CKAP5: variants seen among roughly 807,000 people sequenced by gnomAD.
CKAP5 encodes cytoskeleton-associated protein 5.
CKAP5 carries 27 observed loss-of-function variants against 232.8 expected under a neutral mutation model. The ratio of observed to expected loss-of-function variants is 0.12; its 90% CI spans 0.09 to 0.16. CKAP5 has a LOEUF of 0.16. Ranked by LOEUF, CKAP5 falls within the 10% of genes least tolerant of loss-of-function variation. The pLI is 1.00. For missense variants in CKAP5, 1,838 were observed against 2,424.7 expected, an observed-to-expected ratio of 0.76 and a Z score of 5.08; for synonymous variants, 785 against 841.1, an observed-to-expected ratio of 0.93 and a Z score of 1.16.
chr11:46,809,129 G>A (rs868839832), intron 7 of CKAP5, among the ~76,000 whole-genome samples: 1 of 152,184 alleles, frequency 6.6e-6, no homozygotes, highest in Non-Finnish European at 1.5e-5. Flanking sequence ...GGAATCCGGA[G>A]CTCTTTAGTG....
intron 38 of CKAP5, among the ~76,000 whole-genome samples, chr11:46,751,833 C>A (rs2065066688): frequency 6.6e-6 from 1 of 151,994 alleles, no homozygotes; most frequent in Admixed American, 6.6e-5. Context: ...TTCCTTCGTT[C>A]CTGAGAGTAA....
At chr11:46,798,271 G>C in intron 9 of CKAP5, 99 bp from the exon 10 acceptor site, 3 of 889,294 alleles carry the variant, frequency 3.4e-6, no homozygotes, top group Non-Finnish European at 5.3e-6. Context: ...AGTATGCTAA[G>C]TTAAAAAAAA....
intron 27 of CKAP5, 80 bp downstream of exon 27, chr11:46,767,492 TATG>T: frequency 2.4e-6 from 2 of 838,058 alleles, no homozygotes; most frequent in East Asian, 2.6e-5. Flanking sequence ...TTATATATAA[TATG>T]ATCCTTCCTA....
At chr11:46,830,389 C>T (rs928720463) in intron 1 of CKAP5, among the ~76,000 whole-genome samples, 7 of 140,590 alleles carry the variant, frequency 5.0e-5, no homozygotes, top group East Asian at 2.2e-4. Flanking sequence ...TGCAGTGAGC[C>T]GAGATGGCAC....
chr11:46,784,529 C>T lies in CKAP5; in HGVS notation c.2113G>A (p.Ala705Thr). 6.2e-7 allele frequency: 1 copy of T among 1,614,110 alleles called. No homozygotes were observed. The highest frequency in any genetic ancestry group is 8.5e-7 in the Non-Finnish European group (1 of 1,179,964). ...CGNNAKEAMT[A>T]IAEACMLPWT... ...GGTAACATACAGGCTTCGGCTATTG[C>T]TGTCATAGCTTCTTTTGCATTGTTC... Residue 705 changes from alanine to threonine, a missense_variant, in exon 17 of 44, where the codon GCA becomes ACA. Ala to Thr is a moderately conservative substitution (Grantham distance 58). Around this residue, in one of 6 missense-constraint regions of CKAP5, gnomAD observed 767 missense variants for 954.6 expected, o/e 0.80. Transcript: ENST00000529230.
chr11:46,819,912 A>T (rs1172700539), intron 2 of CKAP5, among the ~76,000 whole-genome samples: 3 of 152,120 alleles, frequency 2.0e-5, no homozygotes, highest in Non-Finnish European at 4.4e-5. Flanking sequence ...GCAACATCTC[A>T]TTCTATAAAG....
chr11:46,841,748 C>A (rs1423102570), intron 1 of CKAP5, among the ~76,000 whole-genome samples: 1 of 152,042 alleles, frequency 6.6e-6, no homozygotes. Flanking sequence ...CGCCTGTAAT[C>A]CCAGCACTTT....
At position 46,809,150 on chromosome 11, in the gene CKAP5, G is replaced by A. The variant is rs552892773; in HGVS notation, c.864+250C>T. The stretch of plus-strand genomic sequence containing the variant: ...CGGAGCTCTTTAGTGTTAAAAACCA[G>A]AGAGAAAATTAGAAAAAGGAAGTCA... On this transcript the variant is annotated intron_variant, in intron 7 of 43. Coordinates refer to ENST00000529230, the MANE Select transcript of CKAP5 (RefSeq NM_001008938.4). 3.3e-5 allele frequency among the ~76,000 whole-genome samples: 5 copies of A among 152,252 alleles called. No homozygotes were observed. In the East Asian group the frequency reaches 9.6e-4, roughly 29 times the overall value.
intron 1 of CKAP5, among the ~76,000 whole-genome samples, chr11:46,825,264 A>T (rs1242629675): frequency 6.6e-6 from 1 of 152,202 alleles, no homozygotes; most frequent in African/African-American, 2.4e-5. Context: ...ACTATATCCC[A>T]TCATAAAAGA....
chr11:46,845,301 T>C (rs1565764730), intron 1 of CKAP5, among the ~76,000 whole-genome samples: 1 of 152,220 alleles, frequency 6.6e-6, no homozygotes, highest in Non-Finnish European at 1.5e-5. Context: ...CCATGAGAAT[T>C]AAATTAGAGC....
chr11:46,799,260 G>T (rs1309802830), intron 9 of CKAP5, among the ~76,000 whole-genome samples: 1 of 151,958 alleles, frequency 6.6e-6, no homozygotes, highest in Non-Finnish European at 1.5e-5. Flanking sequence ...ATGTTGCCCA[G>T]GCTGGGGAAG....
intron 5 of CKAP5, among the ~76,000 whole-genome samples, chr11:46,810,096 C>T (rs1472338599): frequency 2.0e-5 from 3 of 151,814 alleles, no homozygotes; most frequent in Non-Finnish European, 4.4e-5. Flanking sequence ...CTCAGCCTCT[C>T]GAGTGGCTAG....
In CKAP5 at chr11:46,765,247, C is replaced by T. The variant is rs777251666; in HGVS notation, c.3421G>A (p.Gly1141Arg). 3 of 1,610,920 alleles carry T rather than the reference C, an allele frequency of 1.9e-6. No individual in the cohort carries two copies. The highest frequency in any genetic ancestry group is 1.1e-5 in the South Asian group (1 of 90,514). Residue 1141 changes from glycine (G) to arginine (R), a missense_variant, in exon 28 of 44, where the codon GGG becomes AGG. Gly to Arg is a moderately radical substitution (Grantham distance 125). Transcript: ENST00000529230. The stretch of plus-strand genomic sequence containing the variant: ...CTGGTTTTGCTTGGCATCTTCTTCC[C>T]TTGTGCACTCTACAACCAAGGTTCA... ...GLSSKAKSAQ[G>R]KKMPSKTSLK...
In CKAP5 at chr11:46,790,329, G is replaced by A. The variant is rs940189312; in HGVS notation, c.1764+141C>T. ...GAGGCTTCTATTATACTTTGATAAA[G>A]GAGATTGTCCAAGGCAGTTTCAATA... On this transcript the variant is annotated intron_variant, in intron 14 of 43. Coordinates refer to ENST00000529230, the MANE Select transcript of CKAP5 (RefSeq NM_001008938.4). 4 of 801,786 alleles carry A rather than the reference G, an allele frequency of 5.0e-6. No individual in the cohort carries two copies. In the Admixed American group the frequency reaches 1.1e-4, roughly 22 times the overall value. The allele number at this position is 801,786 out of a possible 1,614,324, so 49.7% of individuals were successfully genotyped here.
At chr11:46,752,862 TAAGAA>T (rs2065080428) in intron 37 of CKAP5, 152 bp from the exon 38 acceptor site, 2 of 581,204 alleles carry the variant, frequency 3.4e-6, no homozygotes, top group East Asian at 3.1e-5. Flanking sequence ...GACATTCAGT[TAAGAA>T]AATAAACATT....
At chr11:46,815,611 T>C (rs1003989556) in intron 4 of CKAP5, among the ~76,000 whole-genome samples, 1 of 152,224 alleles carries the variant, frequency 6.6e-6, no homozygotes, top group African/African-American at 2.4e-5. Context: ...AGCCTAATTC[T>C]TAATCTGATA....
At chr11:46,820,639 G>C (rs1939504379) in intron 2 of CKAP5, 2 of 152,118 alleles carry the variant, frequency 1.3e-5, no homozygotes, top group African/African-American at 4.8e-5. Context: ...TAGAGGTATA[G>C]TTGGGGAAAA....
rs571303766 is a variant in CKAP5, at chr11:46,752,501, G to A, written c.5133+134C>T. The A allele has an allele frequency of 1.1e-4, 63 of 563,810 alleles. No individual in the cohort carries two copies. The East Asian group carries it at 1.7e-3, about 15-fold the overall frequency. 34.9% of individuals were successfully genotyped at this position (563,810 alleles called of 1,614,324 possible). A position where few individuals can be genotyped will look rare whatever the true frequency, so the allele number is the denominator to read the frequency against. On this transcript the variant is annotated intron_variant, in intron 38 of 43. Coordinates refer to ENST00000529230, the MANE Select transcript of CKAP5 (RefSeq NM_001008938.4). ...AAAAATTTATTAATATTTTTATTAC[G>A]AAAAATATATTTTCAGGTGTGACTT...
At chr11:46,837,379 T>C (rs564393265) in intron 1 of CKAP5, among the ~76,000 whole-genome samples, 59 of 152,294 alleles carry the variant, frequency 3.9e-4, no homozygotes, top group African/African-American at 1.3e-3. Context: ...TAACTTAATA[T>C]AGACACAGAT....
Sources: gnomAD v4.1 joint callset for allele counts (sites outside exome capture counted in the v4.1 genomes callset) on GRCh38, gnomAD v4.1.1 for gene constraint, gnomAD v4.1.1 regional missense constraint, MANE v1.5 for transcripts, NCBI Gene and HGNC (gene_info 2026-07-23, HGNC 2026-07-21) for gene names.